MYOM2: variants seen among roughly 807,000 people sequenced by gnomAD.
MYOM2 encodes the protein myomesin 2.
A neutral mutation model predicts 187.6 loss-of-function variants in MYOM2; 254 were observed. That is an observed-to-expected ratio of 1.35 (90% confidence interval 1.22 to 1.50). MYOM2 has a LOEUF of 1.50. MYOM2 is among the 40% of genes most tolerant of loss of function. The pLI is 0.00. For missense variants in MYOM2, 2,796 were observed against 1,924.0 expected (o/e 1.45, Z -8.48); for synonymous variants, 981 against 753.8 (o/e 1.30, Z -4.94).
chr8:2,140,817 G>C lies in MYOM2; in HGVS notation c.3895G>C (p.Gly1299Arg). ...ATGTGAGCCGACTGAGAAGGATAAA[G>C]GAAAATACACTTTTGAGATTTTCGA... ...QICEPTEKDK[G>R]KYTFEIFDGK... is the part of the protein sequence containing the mutation. Residue 1299 changes from glycine (G) to arginine (R), a missense_variant, in exon 33 of 37, where the codon GGA becomes CGA. Coordinates refer to ENST00000262113, the MANE Select transcript of MYOM2 (RefSeq NM_003970.4). 1 of 1,614,032 alleles carries C rather than the reference G, an allele frequency of 6.2e-7. No individual in the cohort carries two copies.
intron 32 of MYOM2, among the ~76,000 whole-genome samples, chr8:2,140,163 T>C (rs1798223994): frequency 6.6e-6 from 1 of 152,174 alleles, no homozygotes; most frequent in Non-Finnish European, 1.5e-5. Context: ...CATATTTGTC[T>C]CTTTGTGACA....
intron 25 of MYOM2, among the ~76,000 whole-genome samples, chr8:2,111,990 C>G (rs905883380): frequency 6.6e-6 from 1 of 152,184 alleles, no homozygotes; most frequent in African/African-American, 2.4e-5. Flanking sequence ...AGGAGTGGAG[C>G]AGACTTTATT....
intron 13 of MYOM2, among the ~76,000 whole-genome samples, chr8:2,083,359 T>C (rs901831746): frequency 1.3e-5 from 2 of 152,188 alleles, no homozygotes; most frequent in African/African-American, 4.8e-5. Context: ...TATGTGTGCT[T>C]AGTGGCATCT....
At chr8:2,058,879 A>G (rs1017134048) in intron 5 of MYOM2, among the ~76,000 whole-genome samples, 6 of 152,202 alleles carry the variant, frequency 3.9e-5, no homozygotes, top group Non-Finnish European at 8.8e-5. Context: ...ATGGAATGAC[A>G]AGTCCTGAAT....
At chr8:2,100,438 GC>G in intron 19 of MYOM2, 1 of 172,184 alleles carries the variant, frequency 5.8e-6, no homozygotes, top group Non-Finnish European at 1.3e-5. Context: ...CGCACCACAT[GC>G]CCTCAGAGTT....
At chr8:2,143,984 A>G (rs889352165) in intron 36 of MYOM2, among the ~76,000 whole-genome samples, 2 of 152,256 alleles carry the variant, frequency 1.3e-5, no homozygotes, top group African/African-American at 4.8e-5. Context: ...AGAATTATTG[A>G]TATCTAATTG....
At chr8:2,133,026 T>C (rs34268364) in intron 32 of MYOM2, among the ~76,000 whole-genome samples, 1 of 152,024 alleles carries the variant, frequency 6.6e-6, no homozygotes, top group Non-Finnish European at 1.5e-5. Flanking sequence ...CCGATGTGTG[T>C]TGTGCCTTGC....
intron 28 of MYOM2, among the ~76,000 whole-genome samples, chr8:2,120,859 G>C (rs1005373917): frequency 6.7e-6 from 1 of 149,644 alleles, no homozygotes; most frequent in African/African-American, 2.5e-5. Flanking sequence ...TGATAGGTTC[G>C]ATAACATGCT....
intron 5 of MYOM2, among the ~76,000 whole-genome samples, chr8:2,058,326 T>C (rs1818742847): frequency 6.6e-6 from 1 of 152,066 alleles, no homozygotes; most frequent in Admixed American, 6.5e-5. Context: ...CCAGAGTGTA[T>C]TGTTTAAAAG....
rs761652238 is a variant in MYOM2 at position 2,108,790 on chromosome 8, C to T, written c.3003C>T (p.Leu1001=). 4.0e-5 allele frequency: 65 copies of T among 1,613,596 alleles called. 1 individual carries two copies. In the East Asian group the frequency reaches 5.1e-4, roughly 13 times the overall value. ...SSSFVLDPEE[L]ERLMALSNEI... is the part of the protein sequence containing the mutation. ...AATACTTTTTCTTCGTTTTAGAGCT[C>T]GAGCGTTTGATGGCATTGAGCAATG... Residue 1001 remains leucine, a synonymous_variant, in exon 24 of 37, where the codon CTC becomes CTT. Transcript: ENST00000262113.
At chr8:2,057,804 G>A (rs184300225) in intron 5 of MYOM2, 24 bp downstream of exon 5, 5 of 1,606,158 alleles carry the variant, frequency 3.1e-6, no homozygotes, top group Admixed American at 3.4e-5. Flanking sequence ...TTCCCAGGGG[G>A]TGAAGAAGTC....
Position 2,065,171 on chromosome 8 carries a change from C to T in MYOM2, c.654-4107C>T, listed in dbSNP as rs778027545. On this transcript the variant is annotated intron_variant, in intron 6 of 36. Transcript: ENST00000262113. ...ACATGTATTCTAGAAGTCTAAAATA[C>T]CCACAATGTGTTTATTATATAGTCA... Among the ~76,000 whole-genome samples the T allele has an allele frequency of 2.0e-5, 3 of 152,152 alleles. No individual in the cohort carries two copies. In the South Asian group the frequency reaches 6.2e-4, roughly 32 times the overall value.
At chr8:2,069,141 T>G in intron 6 of MYOM2, 137 bp from the exon 7 acceptor site, 1 of 764,760 alleles carries the variant, frequency 1.3e-6, no homozygotes, top group Non-Finnish European at 2.1e-6. Flanking sequence ...AGAGCTGGCA[T>G]TGTTCTTGCA....
chr8:2,109,952 A>G (rs1312707476), intron 25 of MYOM2, among the ~76,000 whole-genome samples: 1 of 152,146 alleles, frequency 6.6e-6, no homozygotes, highest in Non-Finnish European at 1.5e-5. Flanking sequence ...TCCGTGGGGA[A>G]TAAGTTTCTG....
At chr8:2,106,078 C>A (rs999535748) in intron 21 of MYOM2, among the ~76,000 whole-genome samples, 164 bp from the exon 22 acceptor site, 2 of 152,270 alleles carry the variant, frequency 1.3e-5, no homozygotes, top group Middle Eastern at 3.4e-3. Flanking sequence ...ATGGGGGAAA[C>A]CACCCCCGTG....
intron 3 of MYOM2, among the ~76,000 whole-genome samples, chr8:2,054,436 G>A (rs944179439): frequency 2.6e-5 from 4 of 152,112 alleles, no homozygotes; most frequent in Non-Finnish European, 4.4e-5. Context: ...CACCTGTCCC[G>A]GGGCTTGTCA....
At position 2,093,973 on chromosome 8, in the gene MYOM2, C is replaced by T. The variant is rs765652847; in HGVS notation, c.2007C>T (p.Phe669=). The T allele has an allele frequency of 5.0e-6, 8 of 1,613,764 alleles. No individual in the cohort carries two copies. Among genetic ancestry groups the T allele is most frequent in the African/African-American group, 4.0e-5 (3 of 74,890 alleles). Residue 669 remains phenylalanine, a synonymous_variant, in exon 17 of 37, where the codon TTC becomes TTT. Coordinates refer to ENST00000262113, the MANE Select transcript of MYOM2 (RefSeq NM_003970.4). ...CCCTGATCCCTGTGTTTCTCAGGTT[C>T]GTGGTGCACGGCTTAACCACGGGAG... ...CNHKPIGYNR[F]VVHGLTTGEQ...
chr8:2,118,839 G>C (rs1253722384), intron 28 of MYOM2: 1 of 152,994 alleles, frequency 6.5e-6, no homozygotes, highest in Non-Finnish European at 1.5e-5. Flanking sequence ...GGCAGGGCTG[G>C]AGGACGACGC....
intron 6 of MYOM2, among the ~76,000 whole-genome samples, chr8:2,067,057 A>G (rs1028073051): frequency 3.3e-5 from 5 of 152,176 alleles, no homozygotes; most frequent in African/African-American, 1.2e-4. Flanking sequence ...TTTATCTGAC[A>G]TATTGAAACT....
Sources: allele counts gnomAD v4.1 joint callset (sites outside exome capture counted in the v4.1 genomes callset), GRCh38; gene constraint gnomAD v4.1.1; transcripts MANE v1.5; gene names NCBI Gene and HGNC (gene_info 2026-07-23, HGNC 2026-07-21).